Variants in EPB41L4B observed in about 807,000 individuals in gnomAD.
The protein encoded by EPB41L4B is band 4.1-like protein 4B.
Under a neutral mutation model 112.5 loss-of-function variants are expected in EPB41L4B, and 30 were observed. The ratio of observed to expected loss-of-function variants is 0.27; its 90% CI spans 0.20 to 0.36. The LOEUF (loss-of-function observed/expected upper bound fraction) is 0.36. Ranked by LOEUF, EPB41L4B falls within the 10% of genes least tolerant of loss-of-function variation. The pLI is 1.00. For missense variants in EPB41L4B, 1,024 were observed against 1,133.3 expected (o/e 0.90, Z 1.38); for synonymous variants, 408 against 439.7 (o/e 0.93, Z 0.90).
chr9:109,277,726 G>A, intron 2 of EPB41L4B, among the ~76,000 whole-genome samples: 1 of 152,196 alleles, frequency 6.6e-6, no homozygotes. Context: ...CACAGGTGAG[G>A]TGGCCGAGGC....
At position 109,185,514 on chromosome 9, in the gene EPB41L4B, A is replaced by G. The variant is rs764019736; in HGVS notation, c.2393T>C (p.Met798Thr). Residue 798 changes from methionine to threonine, a missense_variant, in exon 23 of 26, where the codon ATG becomes ACG. By Grantham distance (81) the Met-to-Thr change is moderately conservative. Coordinates refer to ENST00000374566, the MANE Select transcript of EPB41L4B (RefSeq NM_019114.5). ...CAGCCTCGTTTTGATTGGAGGGTAC[A>G]TGCAAACTCCAGTGGTCTCTTCCTT... is the stretch of plus-strand genomic sequence containing the variant. The part of the protein sequence containing the change: ...PMKEETTGVC[M>T]YPPIKTRLIK... The G allele has an allele frequency of 1.2e-6, 2 of 1,613,974 alleles. No individual in the cohort carries two copies. Among genetic ancestry groups the G allele is most frequent in the Admixed American group, 1.7e-5 (1 of 60,018 alleles).
intron 23 of EPB41L4B, among the ~76,000 whole-genome samples, chr9:109,185,030 A>C (rs1018356674): frequency 6.6e-6 from 1 of 152,238 alleles, no homozygotes; most frequent in Non-Finnish European, 1.5e-5. Flanking sequence ...AATATGTAAA[A>C]ATGACAAAAA....
At chr9:109,276,350 A>C (rs1050734631) in intron 2 of EPB41L4B, among the ~76,000 whole-genome samples, 6 of 151,902 alleles carry the variant, frequency 3.9e-5, no homozygotes, top group Admixed American at 3.3e-4. Context: ...GATGGCTGGG[A>C]GTTTAAACAG....
intron 24 of EPB41L4B, among the ~76,000 whole-genome samples, chr9:109,178,193 G>A (rs550426345): frequency 2.0e-5 from 3 of 152,026 alleles, no homozygotes; most frequent in Non-Finnish European, 2.9e-5. Context: ...TGGGATTATA[G>A]GTGTGAGCCA....
chr9:109,186,670 G>A (rs1352659184), intron 22 of EPB41L4B, among the ~76,000 whole-genome samples: 1 of 150,720 alleles, frequency 6.6e-6, no homozygotes, highest in Non-Finnish European at 1.5e-5. Flanking sequence ...TTATAGAGGC[G>A]AGGTCCCACT....
intron 1 of EPB41L4B, among the ~76,000 whole-genome samples, chr9:109,290,713 A>G (rs1467014638): frequency 9.8e-6 from 1 of 102,432 alleles, no homozygotes; most frequent in Admixed American, 1.2e-4. Flanking sequence ...AACTAGCCAT[A>G]TATATATATA....
chr9:109,245,273 C>G (rs1285966738), intron 14 of EPB41L4B, among the ~76,000 whole-genome samples: 3 of 152,202 alleles, frequency 2.0e-5, no homozygotes, highest in African/African-American at 4.8e-5. Flanking sequence ...TAGAGAAAGG[C>G]TGACCTAGAA....
At chr9:109,204,670 T>C (rs763592879) in intron 18 of EPB41L4B, among the ~76,000 whole-genome samples, 28 of 151,904 alleles carry the variant, frequency 1.8e-4, no homozygotes, top group Admixed American at 1.8e-3. Context: ...TTGTTTCATA[T>C]TTTTTTTGTA....
chr9:109,253,576 G>A (rs1367524748), intron 11 of EPB41L4B, 26 bp from the exon 12 acceptor site: 9 of 1,425,580 alleles, frequency 6.3e-6, no homozygotes, highest in Admixed American at 3.4e-5. Flanking sequence ...TTTCTCGTGT[G>A]TTATCAATAT....
intron 1 of EPB41L4B, among the ~76,000 whole-genome samples, chr9:109,288,812 G>C (rs1437945376): frequency 1.3e-5 from 2 of 150,156 alleles, no homozygotes; most frequent in Admixed American, 6.7e-5. Context: ...GAGGTGGGAG[G>C]ATCACTTGAG....
At chr9:109,219,160 G>A (rs1052335526) in intron 15 of EPB41L4B, among the ~76,000 whole-genome samples, 16 of 152,112 alleles carry the variant, frequency 1.1e-4, no homozygotes, top group African/African-American at 3.6e-4. Context: ...TCAGGGGTGG[G>A]CCTGAGACTT....
intron 15 of EPB41L4B, among the ~76,000 whole-genome samples, chr9:109,243,017 C>A (rs1179563833): frequency 2.0e-5 from 3 of 151,858 alleles, no homozygotes; most frequent in African/African-American, 7.3e-5. Flanking sequence ...GAAGCACAGC[C>A]ATAGCCTCTC....
At chr9:109,275,479 G>A (rs1432649401) in intron 2 of EPB41L4B, among the ~76,000 whole-genome samples, 2 of 152,114 alleles carry the variant, frequency 1.3e-5, no homozygotes, top group Admixed American at 6.5e-5. Context: ...TCTCCCAAAA[G>A]CCTCTTGATT....
intron 16 of EPB41L4B, among the ~76,000 whole-genome samples, chr9:109,215,591 G>A (rs1209869285): frequency 5.3e-5 from 8 of 152,002 alleles, no homozygotes; most frequent in Non-Finnish European, 8.8e-5. Context: ...AGTTTCAAGC[G>A]ATTCTCCTGC....
At chr9:109,293,252 A>G (rs1438491525) in intron 1 of EPB41L4B, among the ~76,000 whole-genome samples, 1 of 152,242 alleles carries the variant, frequency 6.6e-6, no homozygotes, top group African/African-American at 2.4e-5. Flanking sequence ...TGCGTACATA[A>G]AAGATTTTGT....
chr9:109,220,963 A>C (rs1296503198), intron 15 of EPB41L4B, among the ~76,000 whole-genome samples: 1 of 152,194 alleles, frequency 6.6e-6, no homozygotes, highest in Non-Finnish European at 1.5e-5. Context: ...CTCAAGTCTT[A>C]GTTCCGCCCC....
chr9:109,200,177 A>G, intron 20 of EPB41L4B, 59 bp downstream of exon 20: 1 of 1,419,826 alleles, frequency 7.0e-7, no homozygotes, highest in Non-Finnish European at 9.9e-7. Flanking sequence ...AAGCATTTGT[A>G]TCTAAACAAT....
At chr9:109,312,810 A>C (rs920012282) in intron 1 of EPB41L4B, among the ~76,000 whole-genome samples, 1 of 152,144 alleles carries the variant, frequency 6.6e-6, no homozygotes, top group South Asian at 2.1e-4. Context: ...CCCTACCCCA[A>C]GGAACCCGGA....
intron 15 of EPB41L4B, chr9:109,240,511 T>C: frequency 1.0e-6 from 1 of 985,344 alleles, no homozygotes; most frequent in Non-Finnish European, 1.2e-6. Flanking sequence ...TCAACTGATT[T>C]CACAGAAATA....
Sources: gnomAD v4.1 joint callset for allele counts (sites outside exome capture counted in the v4.1 genomes callset) on GRCh38, gnomAD v4.1.1 for gene constraint, MANE v1.5 for transcripts, NCBI Gene and HGNC (gene_info 2026-07-23, HGNC 2026-07-21) for gene names.